The following DMD variants were observed in gnomAD, a reference collection of about 807,000 sequenced individuals.
DMD encodes the protein mutant dystrophin.
Under a neutral mutation model 330.1 loss-of-function variants are expected in DMD, and 63 were observed. The ratio of observed to expected loss-of-function variants is 0.19; its 90% CI spans 0.16 to 0.24. The LOEUF is 0.24. Among genes scored for constraint, DMD ranks in the 10% least tolerant of loss-of-function variants. The probability of loss-of-function intolerance (pLI) is 1.00; values close to 1 mark genes in which losing one functional copy is unlikely to be tolerated. For missense variants in DMD, 3,344 were observed against 2,684.1 expected (o/e 1.25, Z -5.43); for synonymous variants, 1,223 against 959.8 (o/e 1.27, Z -5.07).
intron 17 of DMD, among the ~76,000 whole-genome samples, chrX:32,521,089 T>C (rs1413579552): frequency 2.7e-5 from 3 of 112,016 alleles, no homozygotes; most frequent in Non-Finnish European, 5.6e-5. Flanking sequence ...GTTTCCCTTC[T>C]TTTAATTAAA....
chrX:32,902,902 A>G (rs1463117945), intron 2 of DMD, among the ~76,000 whole-genome samples: 1 of 109,895 alleles, frequency 9.1e-6, no homozygotes, highest in Non-Finnish European at 1.9e-5. Context: ...CACACCTGTA[A>G]TCCCAGCACT....
intron 42 of DMD, among the ~76,000 whole-genome samples, chrX:32,308,426 T>C (rs1345133690): frequency 9.0e-6 from 1 of 110,671 alleles, no homozygotes; most frequent in African/African-American, 3.3e-5. Flanking sequence ...CAATGATGAA[T>C]GCCTTTAACA....
intron 60 of DMD, among the ~76,000 whole-genome samples, chrX:31,440,076 A>C (rs2064820336): frequency 9.0e-6 from 1 of 111,635 alleles, no homozygotes; most frequent in African/African-American, 3.3e-5. Flanking sequence ...GAATCATTTC[A>C]AAAAAGAAGA....
At chrX:31,426,573 T>C in intron 60 of DMD, among the ~76,000 whole-genome samples, 1 of 112,394 alleles carries the variant, frequency 8.9e-6, no homozygotes, top group Non-Finnish European at 1.9e-5. Context: ...ATCTTTTCCA[T>C]TCAGAGCCTG....
intron 33 of DMD, among the ~76,000 whole-genome samples, chrX:32,383,756 T>G (rs1238945735): frequency 1.8e-5 from 2 of 110,709 alleles, no homozygotes; most frequent in Non-Finnish European, 3.8e-5. Flanking sequence ...CAGGAATAAA[T>G]AGGGTTTGAC....
chrX:32,368,028 T>C (rs2147292672), intron 34 of DMD, among the ~76,000 whole-genome samples: 1 of 111,995 alleles, frequency 8.9e-6, no homozygotes, highest in South Asian at 3.7e-4. Flanking sequence ...GTTAATTTAG[T>C]AGGCCTTAAA....
At chrX:31,242,700 A>ATGTGTG (rs3138883) in intron 63 of DMD, among the ~76,000 whole-genome samples, 7,925 of 94,963 alleles carry the variant, frequency 0.083, 270 homozygotes, top group South Asian at 0.11. Context: ...ACAATAAGAT[A>ATGTGTG]TGTGTGTGTG....
chrX:32,356,356 T>C (rs1260196387), intron 37 of DMD, among the ~76,000 whole-genome samples: 1 of 93,136 alleles, frequency 1.1e-5, no homozygotes. Flanking sequence ...ATTACTTTTA[T>C]ATCTTCTGAC....
chrX:31,119,234 T>TAAC lies in DMD; in HGVS notation c.*2682_*2684dup, dbSNP rs1418266254. 2 of 112,432 alleles carry TAAC rather than the reference T, an allele frequency of 1.8e-5. No homozygotes were observed. Among genetic ancestry groups the TAAC allele is most frequent in the African/African-American group, 3.2e-5 (1 of 30,891 alleles). 9.3% of individuals were successfully genotyped at this position (112,432 alleles called of 1,213,427 possible). ...GTCCAGTCAATACTTTTTTGTAACA[T>TAAC]AACTGCGTGCTTTATTGAGATACAC... On this transcript the variant is annotated 3_prime_UTR_variant, in exon 79 of 79. Transcript: ENST00000357033.
At chrX:31,448,507 G>A (rs1037494242) in intron 59 of DMD, among the ~76,000 whole-genome samples, 2 of 111,911 alleles carry the variant, frequency 1.8e-5, no homozygotes, top group African/African-American at 6.5e-5. Flanking sequence ...ACATTGGTTT[G>A]GCTATATTTC....
chrX:31,313,712 C>A (rs1407140194), intron 62 of DMD, among the ~76,000 whole-genome samples: 5 of 110,350 alleles, frequency 4.5e-5, no homozygotes, highest in Non-Finnish European at 7.6e-5. Context: ...CAATGTCTAT[C>A]CTTCTTATCA....
chrX:31,951,860 G>T (rs976393986), intron 45 of DMD, among the ~76,000 whole-genome samples: 2 of 111,213 alleles, frequency 1.8e-5, no homozygotes, highest in African/African-American at 6.5e-5. Context: ...CAGCCTGAAT[G>T]ACTTTATTTA....
intron 7 of DMD, among the ~76,000 whole-genome samples, chrX:32,760,183 G>A (rs984086582): frequency 3.6e-5 from 4 of 111,472 alleles, no homozygotes; most frequent in African/African-American, 9.8e-5. Flanking sequence ...ATTAGGTAAC[G>A]TACCCAAGGA....
chrX:32,724,612 C>A (rs1178071790), intron 7 of DMD, among the ~76,000 whole-genome samples: 1 of 111,499 alleles, frequency 9.0e-6, no homozygotes, highest in Non-Finnish European at 1.9e-5. Context: ...TCCAATTGTA[C>A]AGTTGAACCA....
At chrX:32,698,139 T>C (rs1196454415) in intron 8 of DMD, 141 bp from the exon 9 acceptor site, 2 of 650,657 alleles carry the variant, frequency 3.1e-6, no homozygotes, top group East Asian at 3.6e-5. Flanking sequence ...TAAACATATA[T>C]AAATGATATT....
At chrX:32,701,692 G>T (rs1011845549) in intron 7 of DMD, among the ~76,000 whole-genome samples, 1 of 111,089 alleles carries the variant, frequency 9.0e-6, no homozygotes, top group Non-Finnish European at 1.9e-5. Flanking sequence ...AAAACAAAAA[G>T]GGTTGAGCCT....
intron 5 of DMD, among the ~76,000 whole-genome samples, chrX:32,818,091 T>C (rs1034041058): frequency 1.8e-5 from 2 of 112,106 alleles, no homozygotes; most frequent in Admixed American, 9.5e-5. Flanking sequence ...AACCTTTATG[T>C]ACAGTGACTG....
rs757790908 is a variant in DMD, at chrX:31,178,337, G to T, written c.10223+332C>A. The T allele has an allele frequency of 4.1e-6, 4 of 965,669 alleles. No individual in the cohort carries two copies. The South Asian group carries it at 1.0e-4, about 25-fold the overall frequency. 79.6% of individuals were successfully genotyped at this position (965,669 alleles called of 1,213,427 possible). ...ACACATTTACTGATTTGTGAGAGAGGAAAATCAAAATGAAATACTGGAATC... is the reference window on the plus strand; with the variant it reads ...ACACATTTACTGATTTGTGAGAGAGTAAAATCAAAATGAAATACTGGAATC... On this transcript the variant is annotated intron_variant, in intron 70 of 78. Transcript: ENST00000357033.
chrX:31,189,305 G>A (rs2042092126), intron 67 of DMD, among the ~76,000 whole-genome samples: 1 of 111,186 alleles, frequency 9.0e-6, no homozygotes. Context: ...CTCAGTATAT[G>A]CTAGGGGTTG....
Sources: allele counts gnomAD v4.1 joint callset (sites outside exome capture counted in the v4.1 genomes callset), GRCh38; gene constraint gnomAD v4.1.1; transcripts MANE v1.5; gene names NCBI Gene and HGNC (gene_info 2026-07-23, HGNC 2026-07-21).